Variants in NPIPB2 observed in about 807,000 individuals in gnomAD.
The protein encoded by NPIPB2 is nuclear pore complex interacting protein family member B2.
In NPIPB2, 27 loss-of-function variants were observed where a neutral mutation model predicts 30.8. That is an observed-to-expected ratio of 0.88 (90% CI 0.65 to 1.21). The LOEUF (loss-of-function observed/expected upper bound fraction) is 1.21, where lower values mean the gene tolerates loss of function less well. NPIPB2 is among the 50% of genes most tolerant of loss of function. NPIPB2 has a pLI of 0.00. For synonymous variants in NPIPB2, 147 were observed against 162.0 expected (o/e 0.91, Z 0.70); for missense variants, 440 against 446.2 (o/e 0.99, Z 0.13).
intron 1 of NPIPB2, among the ~76,000 whole-genome samples, chr16:11,938,691 C>G: frequency 6.6e-6 from 1 of 151,984 alleles, no homozygotes; most frequent in South Asian, 2.1e-4. Context: ...TCAAAACTGT[C>G]CTGGGCCACA....
At chr16:11,944,483 C>G (rs2150921578), upstream of NPIPB2, among the ~76,000 whole-genome samples, 1 of 151,300 alleles carries the variant, frequency 6.6e-6, no homozygotes, top group South Asian at 2.1e-4. Context: ...TTTTTATAGG[C>G]AGAGTGCGGT....
At chr16:11,932,633 G>A (rs1295117781) in intron 4 of NPIPB2, among the ~76,000 whole-genome samples, 2 of 139,252 alleles carry the variant, frequency 1.4e-5, no homozygotes, top group Admixed American at 1.5e-4. Context: ...AAAATTATCC[G>A]GGCATGGTGG....
chr16:11,966,190 T>C, intron 1 of NPIPB2: 2 of 1,608,014 alleles, frequency 1.2e-6, no homozygotes, highest in Non-Finnish European at 1.7e-6. Context: ...GTTCTTTTCA[T>C]AAAGGTGTGA....
chr16:11,960,016 C>T (rs2150934936), intron 1 of NPIPB2, among the ~76,000 whole-genome samples: 1 of 152,302 alleles, frequency 6.6e-6, no homozygotes, highest in Admixed American at 6.5e-5. Context: ...CTCAAGTGAT[C>T]CTTCTACCTC....
chr16:11,963,865 A>T (rs2055173009), intron 1 of NPIPB2: 1 of 152,106 alleles, frequency 6.6e-6, no homozygotes, highest in African/African-American at 2.4e-5. Context: ...GCAAAAACCC[A>T]TCTCTACAAA....
At chr16:11,937,798 A>G (rs912248882) in intron 1 of NPIPB2, 130 bp from the exon 2 acceptor site, 2 of 1,438,944 alleles carry the variant, frequency 1.4e-6, no homozygotes, top group African/African-American at 2.8e-5. Flanking sequence ...TCACCGTGGG[A>G]TTCCACTGTT....
chr16:11,958,559 C>A (rs1430306221), intron 1 of NPIPB2, among the ~76,000 whole-genome samples: 1 of 151,984 alleles, frequency 6.6e-6, no homozygotes, highest in Non-Finnish European at 1.5e-5. Context: ...GCAAGACCCC[C>A]ATCTTTGCAA....
rs762501873 is a variant in NPIPB2 at position 11,962,569 on chromosome 16, G to A, written c.-584+13999C>T. 7.2e-5 allele frequency among the ~76,000 whole-genome samples: 10 copies of A among 138,116 alleles called. 1 individual carries two copies. The highest frequency in any genetic ancestry group is 1.2e-4 in the Non-Finnish European group (8 of 65,802). 90.6% of individuals were successfully genotyped at this position (138,116 alleles called of 152,430 possible). ...GGAGCTTGCAGTGAGCTGAGATAGC[G>A]CCCCTGCACTCCAGCCTGGGTGACA... On this transcript the variant is annotated intron_variant, in intron 1 of 5. Coordinates refer to the NPIPB2 transcript ENST00000538896.
At position 11,938,791 on chromosome 16, in the gene NPIPB2, C is replaced by A. The variant is rs2054901328; in HGVS notation, c.64-1123G>T. ...TGAGACAAAGTTTTGCTCTGTCACC[C>A]AGGCTAGATTGCAGTGGCATGATCT... On this transcript the variant is annotated intron_variant, in intron 1 of 7. Coordinates refer to ENST00000399147, the Ensembl canonical transcript of NPIPB2. 2.0e-5 allele frequency among the ~76,000 whole-genome samples: 3 copies of A among 152,190 alleles called. No homozygotes were observed. In the South Asian group the frequency reaches 6.2e-4, roughly 32 times the overall value.
At chr16:11,927,310 G>A, downstream of NPIPB2, 2 of 767,762 alleles carry the variant, frequency 2.6e-6, no homozygotes, top group Non-Finnish European at 4.4e-6. Flanking sequence ...TGTTTTTGGA[G>A]TGTGGGTTTT....
intron 1 of NPIPB2, among the ~76,000 whole-genome samples, chr16:11,951,666 A>ACACACACACACACCCCCC (rs1226047972): frequency 1.4e-5 from 2 of 138,968 alleles, no homozygotes; most frequent in East Asian, 4.7e-4. Flanking sequence ...ACACACACAC[A>ACACACACACACACCCCCC]CCCAGCCCCC....
upstream of NPIPB2, among the ~76,000 whole-genome samples, chr16:11,945,399 T>G (rs531556989): frequency 1.3e-5 from 2 of 151,214 alleles, no homozygotes; most frequent in South Asian, 4.2e-4. Context: ...ATAAGCAGGG[T>G]GCAGTAACTC....
intron 1 of NPIPB2, among the ~76,000 whole-genome samples, chr16:11,960,120 C>T (rs181196764): frequency 3.3e-5 from 5 of 151,962 alleles, no homozygotes; most frequent in East Asian, 1.9e-4. Flanking sequence ...CATATGAGAC[C>T]ACATCTGTCT....
rs144946447 is a variant in NPIPB2, at chr16:11,950,368, T to C, written c.-583-8254A>G. Reference sequence around the variant, plus strand: ...TTTTTTTCTAAGAGATAGGGTCTTATTATGTTGCCCAGACTGGTCTCGAAC... The same window carrying C: ...TTTTTTTCTAAGAGATAGGGTCTTACTATGTTGCCCAGACTGGTCTCGAAC... On this transcript the variant is annotated intron_variant, in intron 1 of 5. Coordinates refer to the NPIPB2 transcript ENST00000538896. 2.6e-3 allele frequency among the ~76,000 whole-genome samples: 393 copies of C among 152,166 alleles called. 3 individuals carry two copies. The highest frequency in any genetic ancestry group is 8.9e-3 in the African/African-American group (368 of 41,516).
chr16:11,939,219 G>A (rs1434627103), intron 1 of NPIPB2, among the ~76,000 whole-genome samples: 2 of 150,846 alleles, frequency 1.3e-5, no homozygotes, highest in African/African-American at 4.9e-5. Flanking sequence ...AAAATACAAT[G>A]AAGAGATTAC....
chr16:11,974,628 GTTTTTTA>G lies in NPIPB2; in HGVS notation c.-584+1933_-584+1939del, dbSNP rs1197669533. Among the ~76,000 whole-genome samples the G allele has an allele frequency of 9.2e-5, 14 of 152,310 alleles. No homozygotes were observed. The East Asian group carries it at 1.9e-3, about 21-fold the overall frequency. On this transcript the variant is annotated intron_variant, in intron 1 of 5. Coordinates refer to the NPIPB2 transcript ENST00000538896. ...AGGAGAATGTACTACCTACAGAATTGTTTTTTAAAACATCTCCTTAAGTGTATGCTTA... is the reference window on the plus strand; with the variant it reads ...AGGAGAATGTACTACCTACAGAATTGAAACATCTCCTTAAGTGTATGCTTA...
upstream of NPIPB2, among the ~76,000 whole-genome samples, chr16:11,944,373 G>C (rs2054979413): frequency 6.6e-6 from 1 of 151,770 alleles, no homozygotes; most frequent in South Asian, 2.1e-4. Context: ...TCACGATGTT[G>C]CCAGGCTGGT....
intron 1 of NPIPB2, among the ~76,000 whole-genome samples, chr16:11,974,143 G>A (rs959845179): frequency 1.3e-5 from 2 of 152,148 alleles, no homozygotes; most frequent in Admixed American, 1.3e-4. Context: ...AGACTATGAT[G>A]CTTCTTCAGT....
chr16:11,963,997 T>A (rs1596506074), intron 1 of NPIPB2: 2 of 148,678 alleles, frequency 1.3e-5, no homozygotes, highest in Non-Finnish European at 3.0e-5. Context: ...ATTGTGTCAC[T>A]GCACTCAGCC....
Sources: gnomAD v4.1 joint callset for allele counts (sites outside exome capture counted in the v4.1 genomes callset) on GRCh38, gnomAD v4.1.1 for gene constraint, MANE v1.5 for transcripts, NCBI Gene and HGNC (gene_info 2026-07-23, HGNC 2026-07-21) for gene names.